EIF4E3: variants seen among roughly 807,000 people sequenced by gnomAD.
EIF4E3 encodes eukaryotic translation initiation factor 4E type 3.
Under a neutral mutation model 31.7 loss-of-function variants are expected in EIF4E3, and 26 were observed. That is an observed-to-expected ratio of 0.82 (90% CI 0.60 to 1.14). EIF4E3 has a LOEUF of 1.14. Among genes scored for constraint, EIF4E3 ranks in the 50% most tolerant of loss-of-function variants. The pLI, the probability that EIF4E3 is intolerant of heterozygous loss-of-function variation, is 0.00. For missense variants in EIF4E3, 304 were observed against 270.9 expected (o/e 1.12, Z -0.86); for synonymous variants, 128 against 107.7 (o/e 1.19, Z -1.17).
upstream of EIF4E3, chr3:71,753,929 C>A (rs1010289691): frequency 5.9e-5 from 59 of 1,003,916 alleles, no homozygotes; most frequent in Non-Finnish European, 6.8e-5. Flanking sequence ...CGGGCTGAGC[C>A]CCGCAGGACG....
At chr3:71,703,601 C>T (rs1349030) in intron 2 of EIF4E3, among the ~76,000 whole-genome samples, 55,057 of 151,828 alleles carry the variant, frequency 0.36, 10,439 homozygotes, top group African/African-American at 0.48. Flanking sequence ...CAACTATGCC[C>T]CACCTTACAG....
chr3:71,666,920 C>T, the EIF4E3 span, among the ~76,000 whole-genome samples: 1 of 152,070 alleles, frequency 6.6e-6, no homozygotes, highest in Non-Finnish European at 1.5e-5. Context: ...GCCTGCACAA[C>T]AGAGCGAGAC....
rs1162079063 is a variant in EIF4E3, at chr3:71,683,696, G to A, written c.*986C>T. 6.6e-6 allele frequency: 1 copy of A among 152,152 alleles called. No homozygotes were observed. Among genetic ancestry groups the A allele is most frequent in the South Asian group, 2.1e-4 (1 of 4,830 alleles). 9.4% of individuals were successfully genotyped at this position (152,152 alleles called of 1,614,324 possible). On this transcript the variant is annotated 3_prime_UTR_variant, in exon 7 of 7. Coordinates refer to ENST00000425534, the MANE Select transcript of EIF4E3 (RefSeq NM_001134651.2). Reference sequence around the variant, plus strand: ...GTGGGGACAGCTGCCCAGGCTGGAGGACTACTGATGATGAGAAATGACACA... The same window carrying A: ...GTGGGGACAGCTGCCCAGGCTGGAGAACTACTGATGATGAGAAATGACACA...
At chr3:71,741,927 AAAG>A (rs1196642124) in intron 1 of EIF4E3, among the ~76,000 whole-genome samples, 1 of 152,210 alleles carries the variant, frequency 6.6e-6, no homozygotes. Context: ...ATGGATCAAA[AAAG>A]AAATCAAAAG....
intron 2 of EIF4E3, among the ~76,000 whole-genome samples, chr3:71,702,260 C>T (rs969352423): frequency 6.6e-6 from 1 of 152,086 alleles, no homozygotes; most frequent in African/African-American, 2.4e-5. Context: ...AACCTGGTTA[C>T]GATGTGGCAA....
upstream of EIF4E3, among the ~76,000 whole-genome samples, chr3:71,753,811 G>C (rs1399355525): frequency 1.3e-5 from 2 of 148,830 alleles, no homozygotes; most frequent in African/African-American, 4.8e-5. Context: ...TGAAGCCCGC[G>C]GCGCCTAGGG....
chr3:71,744,990 G>A (rs957351064), intron 1 of EIF4E3, among the ~76,000 whole-genome samples: 1 of 152,174 alleles, frequency 6.6e-6, no homozygotes, highest in African/African-American at 2.4e-5. Context: ...GGTGGTAGCA[G>A]GGGTTTCTCT....
chr3:71,724,865 G>T (rs1019985532), intron 1 of EIF4E3, among the ~76,000 whole-genome samples: 1 of 152,172 alleles, frequency 6.6e-6, no homozygotes, highest in African/African-American at 2.4e-5. Context: ...GCCACCCCCA[G>T]CTCGCCTACC....
At chr3:71,703,243 C>CA (rs1383711722) in intron 2 of EIF4E3, among the ~76,000 whole-genome samples, 1 of 152,154 alleles carries the variant, frequency 6.6e-6, no homozygotes, top group Non-Finnish European at 1.5e-5. Flanking sequence ...TAGCTGAATG[C>CA]AGGAGGGTCA....
intron 2 of EIF4E3, among the ~76,000 whole-genome samples, chr3:71,709,168 A>C (rs1407299118): frequency 6.6e-6 from 1 of 152,192 alleles, no homozygotes; most frequent in Non-Finnish European, 1.5e-5. Flanking sequence ...ATCTATTGGA[A>C]TTTCTAAGAC....
intron 1 of EIF4E3, among the ~76,000 whole-genome samples, chr3:71,735,983 A>G (rs892717409): frequency 6.6e-6 from 1 of 152,242 alleles, no homozygotes; most frequent in Admixed American, 6.5e-5. Context: ...CCATGATTTT[A>G]AAATTGGACA....
chr3:71,665,566 T>C, the EIF4E3 span, among the ~76,000 whole-genome samples: 1 of 152,210 alleles, frequency 6.6e-6, no homozygotes. Context: ...CACTGTAACA[T>C]ACTTTTAACT....
chr3:71,719,687 G>A (rs2049517023), intron 1 of EIF4E3, among the ~76,000 whole-genome samples: 1 of 152,194 alleles, frequency 6.6e-6, no homozygotes, highest in Non-Finnish European at 1.5e-5. Context: ...GACAGACTGA[G>A]TGGTAATGTG....
At chr3:71,672,202 T>G (rs1190036211), downstream of EIF4E3, among the ~76,000 whole-genome samples, 1 of 152,148 alleles carries the variant, frequency 6.6e-6, no homozygotes, top group African/African-American at 2.4e-5. Flanking sequence ...ACGTGGGCTC[T>G]CTCTAACATT....
At chr3:71,673,607 A>G (rs1158126134), downstream of EIF4E3, among the ~76,000 whole-genome samples, 3 of 151,940 alleles carry the variant, frequency 2.0e-5, no homozygotes, top group South Asian at 4.1e-4. Flanking sequence ...TCAAACATGC[A>G]TTGCATTCAT....
chr3:71,675,526 G>A lies in EIF4E3; in HGVS notation c.*9156C>T, dbSNP rs748340463. 2 of 152,104 alleles carry A rather than the reference G, an allele frequency of 1.3e-5. No homozygotes were observed. The highest frequency in any genetic ancestry group is 2.4e-5 in the African/African-American group (1 of 41,406). The allele number at this position is 152,104 out of a possible 1,614,324, so 9.4% of individuals were successfully genotyped here. A position where few individuals can be genotyped will look rare whatever the true frequency, so the allele number is the denominator to read the frequency against. On this transcript the variant is annotated 3_prime_UTR_variant, in exon 7 of 7. Coordinates refer to ENST00000425534, the MANE Select transcript of EIF4E3 (RefSeq NM_001134651.2). ...ACAAATCTGCTTACATGGAGTTGTC[G>A]CAAAGAAGCAGGTTAGAAAACATGC...
rs1189189187 is a variant in EIF4E3 at position 71,693,910 on chromosome 3, G to C, written c.437C>G (p.Thr146Ser). The C allele has an allele frequency of 6.3e-7, 1 of 1,586,158 alleles. No homozygotes were observed. The highest frequency in any genetic ancestry group is 1.8e-5 in the Admixed American group (1 of 56,428). ...ACAGTCTGTGAACTGTTCCCCGATG[G>C]TTGCTAACAGCAACTCTTTCCAAAC... ...STVWKELLLATIGEQFTDCAA... is the reference protein window; with the variant it reads ...STVWKELLLASIGEQFTDCAA... The change falls in exon 5 of 7, where the codon ACC (threonine) becomes AGC (serine). Residue 146 changes from threonine to serine, a missense_variant. Thr to Ser is a moderately conservative substitution (Grantham distance 58). Transcript: ENST00000425534.
chr3:71,712,779 A>G (rs1203633972), intron 1 of EIF4E3, among the ~76,000 whole-genome samples: 2 of 151,814 alleles, frequency 1.3e-5, no homozygotes, highest in African/African-American at 2.4e-5. Flanking sequence ...GTATAATGCA[A>G]ATGTTTGCTT....
upstream of EIF4E3, chr3:71,754,146 C>A (rs527419351): frequency 2.1e-6 from 3 of 1,459,578 alleles, no homozygotes; most frequent in South Asian, 1.2e-5. This position sits in a 1 kb window ranked among gnomAD's most constrained non-coding sequence, Gnocchi z 5.8. Context: ...GTGCGTGAGC[C>A]TAGCGGGCAA....
Sources: allele counts gnomAD v4.1 joint callset (sites outside exome capture counted in the v4.1 genomes callset), GRCh38; gene constraint gnomAD v4.1.1; non-coding constraint Gnocchi (gnomAD v3.1); transcripts MANE v1.5; gene names NCBI Gene and HGNC (gene_info 2026-07-23, HGNC 2026-07-21).